Variants in FGF14 observed in about 807,000 individuals in gnomAD.
The protein encoded by FGF14 is fibroblast growth factor homologous factor 4.
A neutral mutation model predicts 25.5 loss-of-function variants in FGF14; 5 were observed. The ratio of observed to expected loss-of-function variants is 0.20; its 90% CI spans 0.10 to 0.41. The LOEUF (loss-of-function observed/expected upper bound fraction) is 0.41. Ranked by LOEUF, FGF14 falls within the 10% of genes least tolerant of loss-of-function variation. The pLI is 1.00. For synonymous variants in FGF14, 138 were observed against 118.3 expected (o/e 1.17, Z -1.08); for missense variants, 222 against 320.1 (o/e 0.69, Z 2.34).
At chr13:101,787,460 T>C (rs1388353824) in intron 3 of FGF14, among the ~76,000 whole-genome samples, 1 of 152,190 alleles carries the variant, frequency 6.6e-6, no homozygotes, top group Non-Finnish European at 1.5e-5. Flanking sequence ...CCTTATACTG[T>C]ATTTTAAATC....
chr13:102,397,017 G>A (rs985140274), intron 1 of FGF14, among the ~76,000 whole-genome samples: 4 of 152,208 alleles, frequency 2.6e-5, no homozygotes, highest in Non-Finnish European at 5.9e-5. Flanking sequence ...CAGACGTGCA[G>A]TCTGAATTTG....
At chr13:101,792,655 T>C (rs2040303283) in intron 3 of FGF14, among the ~76,000 whole-genome samples, 1 of 152,166 alleles carries the variant, frequency 6.6e-6, no homozygotes, top group Non-Finnish European at 1.5e-5. Flanking sequence ...ACAAATCTTG[T>C]GCACAAGTAT....
intron 1 of FGF14, among the ~76,000 whole-genome samples, chr13:102,106,669 C>T (rs1397457089): frequency 6.6e-6 from 1 of 151,876 alleles, no homozygotes; most frequent in African/African-American, 2.4e-5. Flanking sequence ...AACTGAAAAG[C>T]CTTTACCCCC....
chr13:102,022,766 G>A (rs1192971314), intron 1 of FGF14, among the ~76,000 whole-genome samples: 1 of 151,998 alleles, frequency 6.6e-6, no homozygotes, highest in African/African-American at 2.4e-5. Flanking sequence ...ATAAAAAAGA[G>A]AATATCTTTG....
rs138806076 is a variant in FGF14, at chr13:101,992,219, T to A, written c.209-116923A>T. On this transcript the variant is annotated intron_variant, in intron 1 of 4. Coordinates refer to the FGF14 transcript ENST00000376131. ...CAAGCCTCAGATGCTATTTTAAAAG[T>A]CTTTTGGGAAACCCAAAGCAATTGG... 6.6e-5 allele frequency among the ~76,000 whole-genome samples: 10 copies of A among 152,218 alleles called. No individual in the cohort carries two copies. The East Asian group carries it at 1.7e-3, about 26-fold the overall frequency.
chr13:102,224,712 T>C (rs956382096), intron 1 of FGF14, among the ~76,000 whole-genome samples: 1 of 152,198 alleles, frequency 6.6e-6, no homozygotes, highest in Non-Finnish European at 1.5e-5. Context: ...AAAGAAACTA[T>C]ACTACATAAT....
chr13:101,748,055 C>G (rs993883376), intron 3 of FGF14, among the ~76,000 whole-genome samples: 1 of 151,750 alleles, frequency 6.6e-6, no homozygotes, highest in African/African-American at 2.4e-5. Context: ...GAAAACAGTA[C>G]GGAGATATCT....
intron 1 of FGF14, among the ~76,000 whole-genome samples, chr13:101,988,713 G>C (rs1026292918): frequency 7.4e-6 from 1 of 135,020 alleles, no homozygotes; most frequent in African/African-American, 2.7e-5. Flanking sequence ...TTGTGGGGTG[G>C]GGGGGAGGGG....
chr13:102,131,720 T>G (rs1566725807), intron 1 of FGF14, among the ~76,000 whole-genome samples: 1 of 152,222 alleles, frequency 6.6e-6, no homozygotes, highest in Non-Finnish European at 1.5e-5. Flanking sequence ...TATGTTTTCT[T>G]TTTAATCTTC....
chr13:101,814,612 A>G (rs2041740807), intron 3 of FGF14, among the ~76,000 whole-genome samples: 1 of 152,188 alleles, frequency 6.6e-6, no homozygotes, highest in African/African-American at 2.4e-5. Flanking sequence ...GACTGCTGAC[A>G]TGGTTTCTGA....
chr13:101,868,527 T>A (rs773204039), intron 3 of FGF14, 198 bp downstream of exon 3: 13 of 586,308 alleles, frequency 2.2e-5, no homozygotes, highest in African/African-American at 5.6e-5. Context: ...TAAGACATAG[T>A]ATTACACTTC....
chr13:101,812,632 T>C (rs1457723529), intron 3 of FGF14, among the ~76,000 whole-genome samples: 1 of 12,862 alleles, frequency 7.8e-5, no homozygotes, highest in African/African-American at 2.5e-4. Context: ...TATATATATA[T>C]ATATATATAT....
intron 3 of FGF14, among the ~76,000 whole-genome samples, chr13:101,778,246 C>T (rs1271464176): frequency 2.6e-5 from 4 of 152,092 alleles, no homozygotes; most frequent in South Asian, 2.1e-4. Context: ...TCATTTTTTT[C>T]GAAATCTCAC....
At chr13:102,238,337 T>G (rs2051423954) in intron 1 of FGF14, among the ~76,000 whole-genome samples, 1 of 152,244 alleles carries the variant, frequency 6.6e-6, no homozygotes. Context: ...ATATAAAGAA[T>G]GTTTCCATCT....
chr13:102,271,939 A>G (rs1319513709), intron 1 of FGF14, among the ~76,000 whole-genome samples: 5 of 152,192 alleles, frequency 3.3e-5, no homozygotes, highest in Middle Eastern at 3.4e-3. Context: ...CCAATAGTCT[A>G]TTCTCTAGTG....
intron 1 of FGF14, among the ~76,000 whole-genome samples, chr13:102,190,001 T>C (rs1475390541): frequency 1.3e-5 from 2 of 152,026 alleles, no homozygotes; most frequent in African/African-American, 4.8e-5. Flanking sequence ...ACTAGACACC[T>C]CCAACTTTGG....
chr13:102,113,260 T>C (rs1287470083), intron 1 of FGF14, among the ~76,000 whole-genome samples: 1 of 152,208 alleles, frequency 6.6e-6, no homozygotes, highest in Non-Finnish European at 1.5e-5. Flanking sequence ...ACCACCTTCC[T>C]GATTGATTTG....
chr13:102,158,512 G>A (rs906472899), intron 1 of FGF14, among the ~76,000 whole-genome samples: 4 of 143,650 alleles, frequency 2.8e-5, no homozygotes, highest in Admixed American at 7.1e-5. Context: ...ACACACTGGG[G>A]CCTGTTGTGG....
At chr13:101,889,814 C>T (rs569679368) in intron 1 of FGF14, among the ~76,000 whole-genome samples, 61 of 152,310 alleles carry the variant, frequency 4.0e-4, no homozygotes, top group African/African-American at 1.4e-3. Context: ...TGATTCCAAC[C>T]TCTACATGTT....
Sources: gnomAD v4.1 joint callset for allele counts (sites outside exome capture counted in the v4.1 genomes callset) on GRCh38, gnomAD v4.1.1 for gene constraint, MANE v1.5 for transcripts, NCBI Gene and HGNC (gene_info 2026-07-23, HGNC 2026-07-21) for gene names.